The following SLC16A12 variants were observed in gnomAD, a reference collection of about 807,000 sequenced individuals.
The protein encoded by SLC16A12 is solute carrier family 16 member 12.
Under a neutral mutation model 42.4 loss-of-function variants are expected in SLC16A12, and 17 were observed. The observed-to-expected ratio is 0.40, with a 90% CI of 0.27 to 0.60. The LOEUF is 0.60. Among genes scored for constraint, SLC16A12 ranks in the 20% least tolerant of loss-of-function variants. SLC16A12 has a pLI of 0.42. For missense variants in SLC16A12, 544 were observed against 623.0 expected (o/e 0.87, Z 1.35); for synonymous variants, 224 against 229.4 (o/e 0.98, Z 0.21).
At chr10:89,537,653 A>G (rs1484980680), upstream of SLC16A12, among the ~76,000 whole-genome samples, 3 of 152,200 alleles carry the variant, frequency 2.0e-5, no homozygotes, top group African/African-American at 7.2e-5. Context: ...AAAGGCTTGA[A>G]TACCTTTGAG....
At chr10:89,536,920 C>T (rs184328755), upstream of SLC16A12, among the ~76,000 whole-genome samples, 54 of 152,246 alleles carry the variant, frequency 3.5e-4, no homozygotes, top group Middle Eastern at 3.4e-3. Context: ...TCACTGCAAC[C>T]TCCGCCTCCC....
At chr10:89,456,964 A>G (rs972597760) in intron 3 of SLC16A12, among the ~76,000 whole-genome samples, 1 of 152,174 alleles carries the variant, frequency 6.6e-6, no homozygotes, top group Non-Finnish European at 1.5e-5. Flanking sequence ...ACTGATGGGC[A>G]TTTGGGTTGA....
chr10:89,477,759 G>C (rs1038065028), intron 2 of SLC16A12, among the ~76,000 whole-genome samples: 7 of 152,120 alleles, frequency 4.6e-5, no homozygotes, highest in Non-Finnish European at 1.0e-4. Context: ...TCATGTAACT[G>C]TGTAAGATAT....
At chr10:89,552,497 A>G (rs1453710595) in intron 2 of SLC16A12, among the ~76,000 whole-genome samples, 2 of 152,172 alleles carry the variant, frequency 1.3e-5, no homozygotes, top group African/African-American at 2.4e-5. Context: ...ACAACAGCAC[A>G]TTGCATTTCT....
At chr10:89,551,575 T>C (rs1353944329) in intron 2 of SLC16A12, among the ~76,000 whole-genome samples, 1 of 152,244 alleles carries the variant, frequency 6.6e-6, no homozygotes, top group Non-Finnish European at 1.5e-5. Flanking sequence ...AATCTCATCT[T>C]GAATTGTACT....
At position 89,506,714 on chromosome 10, in the gene SLC16A12, C is replaced by T. The variant is rs190026752; in HGVS notation, c.-47+27787G>A. Among the ~76,000 whole-genome samples, 14 of 152,178 alleles carry T rather than the reference C, an allele frequency of 9.2e-5. 1 individual carries two copies. The East Asian group carries it at 2.7e-3, about 29-fold the overall frequency. On this transcript the variant is annotated intron_variant, in intron 2 of 7. Coordinates refer to ENST00000371790, the MANE Select transcript of SLC16A12 (RefSeq NM_213606.4). ...TCATCAGCAAGGGAACAAAACTGGA[C>T]AGAGAATGAGTTTGACAAATTGACA...
chr10:89,501,108 G>C (rs1303933604), intron 2 of SLC16A12, among the ~76,000 whole-genome samples: 1 of 152,010 alleles, frequency 6.6e-6, no homozygotes, highest in East Asian at 1.9e-4. Flanking sequence ...GGAGGTGAAA[G>C]ACCACTACAA....
intron 2 of SLC16A12, among the ~76,000 whole-genome samples, chr10:89,523,579 C>A (rs938893754): frequency 3.0e-4 from 45 of 152,316 alleles, no homozygotes; most frequent in African/African-American, 1.1e-3. Flanking sequence ...CCAACCCCTG[C>A]TTCTTAGTTT....
At chr10:89,439,267 G>A (rs1841862855) in intron 5 of SLC16A12, 84 bp from the exon 6 acceptor site, 1 of 1,370,546 alleles carries the variant, frequency 7.3e-7, no homozygotes. Flanking sequence ...ATATTAAAGA[G>A]AATCTGACCT....
intron 2 of SLC16A12, among the ~76,000 whole-genome samples, chr10:89,525,276 T>C (rs1375674050): frequency 2.0e-5 from 3 of 148,622 alleles, no homozygotes; most frequent in Non-Finnish European, 3.0e-5. Flanking sequence ...TAACAGAGCC[T>C]GCATTAGCAG....
intron 5 of SLC16A12, 89 bp downstream of exon 5, chr10:89,441,019 A>G: frequency 6.5e-7 from 1 of 1,538,120 alleles, no homozygotes; most frequent in East Asian, 2.3e-5. Context: ...ATCTAACAAA[A>G]TGAATATTTT....
chr10:89,481,815 A>C (rs572013751), intron 2 of SLC16A12, among the ~76,000 whole-genome samples: 1 of 152,262 alleles, frequency 6.6e-6, no homozygotes, highest in East Asian at 1.9e-4. Context: ...GGAATGAAAA[A>C]GTCCACTTTA....
intron 2 of SLC16A12, among the ~76,000 whole-genome samples, chr10:89,496,113 C>T (rs1842918590): frequency 6.6e-6 from 1 of 151,784 alleles, no homozygotes; most frequent in Admixed American, 6.6e-5. Context: ...TAACAATTAA[C>T]ATAAGAAGTG....
rs150660998 is a variant in SLC16A12, at chr10:89,468,538, C to T, written c.-46-5914G>A. On this transcript the variant is annotated intron_variant, in intron 2 of 7. Coordinates refer to ENST00000371790, the MANE Select transcript of SLC16A12 (RefSeq NM_213606.4). The stretch of plus-strand genomic sequence containing the variant: ...CAACAAGATGTCCAAGCAATACTAA[C>T]GCTTAAGCACCATTCATGTGAGTGA... Among the ~76,000 whole-genome samples the T allele has an allele frequency of 9.9e-4, 151 of 152,280 alleles. 1 individual carries two copies. In the Middle Eastern group the frequency reaches 0.017, roughly 17 times the overall value.
chr10:89,497,730 T>C, intron 2 of SLC16A12, among the ~76,000 whole-genome samples: 1 of 119,792 alleles, frequency 8.3e-6, no homozygotes, highest in African/African-American at 3.5e-5. Flanking sequence ...GGGGTAGAGA[T>C]CAGAAAGAGG....
intron 2 of SLC16A12, among the ~76,000 whole-genome samples, chr10:89,494,480 C>T (rs995605695): frequency 4.6e-5 from 7 of 152,220 alleles, no homozygotes; most frequent in Non-Finnish European, 8.8e-5. Flanking sequence ...AGCTGTGGTA[C>T]ATTCAGCTTC....
chr10:89,515,129 C>A lies in SLC16A12; in HGVS notation c.-47+19372G>T, dbSNP rs200110365. Among the ~76,000 whole-genome samples, 168 of 65,074 alleles carry A rather than the reference C, an allele frequency of 2.6e-3. 1 individual carries two copies. Among genetic ancestry groups the A allele is most frequent in the Middle Eastern group, 6.8e-3 (1 of 146 alleles). 42.7% of individuals were successfully genotyped at this position (65,074 alleles called of 152,430 possible). A position where few individuals can be genotyped will look rare whatever the true frequency, so the allele number is the denominator to read the frequency against. On this transcript the variant is annotated intron_variant, in intron 2 of 7. Transcript: ENST00000371790. ...CAAAACAAAACAAAACAAAACAAAA[C>A]AAAAAAAAAAGAAAAGAAAAGCGGC...
intron 2 of SLC16A12, among the ~76,000 whole-genome samples, chr10:89,464,396 A>G (rs1842358078): frequency 6.6e-6 from 1 of 152,206 alleles, no homozygotes; most frequent in Non-Finnish European, 1.5e-5. Context: ...TGGCTTGTCA[A>G]ACAGGCTTCT....
At chr10:89,434,809 G>A (rs1447809626) in intron 7 of SLC16A12, among the ~76,000 whole-genome samples, 1 of 152,158 alleles carries the variant, frequency 6.6e-6, no homozygotes, top group Non-Finnish European at 1.5e-5. Context: ...TACCTCGCAT[G>A]AGCATCACAA....
Sources: allele counts gnomAD v4.1 joint callset (sites outside exome capture counted in the v4.1 genomes callset), GRCh38; gene constraint gnomAD v4.1.1; transcripts MANE v1.5; gene names NCBI Gene and HGNC (gene_info 2026-07-23, HGNC 2026-07-21).